The following SORL1 variants were observed in gnomAD, a reference collection of about 807,000 sequenced individuals.
SORL1 encodes sortilin-related receptor.
In SORL1, 127 loss-of-function variants were observed where a neutral mutation model predicts 273.7. The observed-to-expected ratio is 0.46, with a 90% CI of 0.40 to 0.54. The LOEUF (loss-of-function observed/expected upper bound fraction) is 0.54. SORL1 is among the 20% of genes least tolerant of loss of function. The pLI is 0.00. For missense variants in SORL1, 2,494 were observed against 2,846.1 expected, an observed-to-expected ratio of 0.88 and a Z score of 2.81; for synonymous variants, 1,031 against 1,067.4, an observed-to-expected ratio of 0.97 and a Z score of 0.66.
intron 9 of SORL1, among the ~76,000 whole-genome samples, chr11:121,522,306 A>G (rs1357535120): frequency 3.3e-5 from 5 of 152,216 alleles, no homozygotes; most frequent in African/African-American, 1.2e-4. Flanking sequence ...TTTCCCATCT[A>G]CTTGAGTTGA....
intron 44 of SORL1, among the ~76,000 whole-genome samples, chr11:121,621,453 G>A (rs541348200): frequency 6.6e-6 from 1 of 152,256 alleles, no homozygotes; most frequent in Non-Finnish European, 1.5e-5. Context: ...AGTGGCTATC[G>A]TTTTCTTTAT....
intron 2 of SORL1, among the ~76,000 whole-genome samples, chr11:121,472,098 T>C (rs1377980361): frequency 6.6e-6 from 1 of 152,176 alleles, no homozygotes; most frequent in African/African-American, 2.4e-5. Flanking sequence ...TGACCTATCT[T>C]CGTGCTACTG....
chr11:121,467,519 A>G lies in SORL1; in HGVS notation c.286-2488A>G, dbSNP rs1232739449. On this transcript the variant is annotated intron_variant, in intron 1 of 47. Coordinates refer to ENST00000260197, the MANE Select transcript of SORL1 (RefSeq NM_003105.6). ...AATATTTGAGGACTTTTTATCCCAG[A>G]TCCCAGGGGAACATGGGTGATTTTT... 3.3e-5 allele frequency among the ~76,000 whole-genome samples: 5 copies of G among 151,168 alleles called. No homozygotes were observed. The East Asian group carries it at 7.7e-4, about 23-fold the overall frequency.
At position 121,522,708 on chromosome 11, in the gene SORL1, G is replaced by A; in HGVS notation, c.1522+5G>A. 6.2e-7 allele frequency: 1 copy of A among 1,607,344 alleles called. No individual in the cohort carries two copies. Among genetic ancestry groups the A allele is most frequent in the Non-Finnish European group, 8.5e-7 (1 of 1,173,804 alleles). On this transcript the variant is annotated splice_donor_5th_base_variant and intron_variant, in intron 10 of 47. Coordinates refer to ENST00000260197, the MANE Select transcript of SORL1 (RefSeq NM_003105.6). ...CAGGCCTCATCATCGCCACTGGTAA[G>A]TGTGCTTGCCTGTTCTCAAAAGGGG...
chr11:121,528,754 A>C (rs1296437643), intron 11 of SORL1, among the ~76,000 whole-genome samples: 1 of 152,144 alleles, frequency 6.6e-6, no homozygotes, highest in East Asian at 1.9e-4. Flanking sequence ...CAGTCCCTTT[A>C]GATTTGTTGA....
In SORL1 at chr11:121,543,584, C is replaced by T. The variant is rs1270374387; in HGVS notation, c.1722C>T (p.Phe574=). The change falls in exon 13 of 48, where the codon TTC becomes TTT. Residue 574 remains phenylalanine, a synonymous_variant. Coordinates refer to ENST00000260197, the MANE Select transcript of SORL1 (RefSeq NM_003105.6). ...STNEGETWKT[F]IFSEKPVFVY... ...ATGAAGGGGAGACCTGGAAAACATT[C>T]ATCTTCTCTGAGAAGCCAGTGTTTG... is the stretch of plus-strand genomic sequence containing the variant. 1 of 1,614,014 alleles carries T rather than the reference C, an allele frequency of 6.2e-7. No homozygotes were observed. Among genetic ancestry groups the T allele is most frequent in the Non-Finnish European group, 8.5e-7 (1 of 1,179,874 alleles).
Position 121,633,572 on chromosome 11 carries a change from T to A in SORL1, c.*4009T>A, listed in dbSNP as rs1436984386. The A allele has an allele frequency of 6.6e-6, 1 of 152,258 alleles. No homozygotes were observed. Among genetic ancestry groups the A allele is most frequent in the African/African-American group, 2.4e-5 (1 of 41,472 alleles). The allele number at this position is 152,258 out of a possible 1,614,324, so 9.4% of individuals were successfully genotyped here. ...TTGCCTCGATAAGTTTCCAAGTCACTGAAATCTGCTGAAGGTTTTACTGTA... is the reference window on the plus strand; with the variant it reads ...TTGCCTCGATAAGTTTCCAAGTCACAGAAATCTGCTGAAGGTTTTACTGTA... On this transcript the variant is annotated 3_prime_UTR_variant, in exon 48 of 48. Coordinates refer to ENST00000260197, the MANE Select transcript of SORL1 (RefSeq NM_003105.6).
In SORL1 at chr11:121,563,038, C is replaced by T. The variant is rs1862702554; in HGVS notation, c.3049+3381C>T. Among the ~76,000 whole-genome samples the T allele has an allele frequency of 6.6e-6, 1 of 152,164 alleles. No homozygotes were observed. Among genetic ancestry groups the T allele is most frequent in the African/African-American group, 2.4e-5 (1 of 41,428 alleles). Reference sequence around the variant, plus strand: ...GTACCACAGTAATGTGCTTTGTGGGCTTGTATAACCTCACTTCGTCTTCCC... The same window carrying T: ...GTACCACAGTAATGTGCTTTGTGGGTTTGTATAACCTCACTTCGTCTTCCC... On this transcript the variant is annotated intron_variant, in intron 21 of 47. Transcript: ENST00000260197. This position sits in a 1 kb window ranked among gnomAD's most constrained non-coding sequence, Gnocchi z 4.2.
rs776117825 is a variant in SORL1 at position 121,595,662 on chromosome 11, G to A, written c.4409G>A (p.Arg1470Gln). ...TAASTPTQLG[R>Q]CDRFEFECHQ... ...GCCTCCACTCCCACCCAACTTGGGC[G>A]ATGTGACCGATTTGAGTTCGAATGC... Residue 1470 changes from arginine (R) to glutamine (Q), a missense_variant, in exon 32 of 48, where the codon CGA becomes CAA. By Grantham distance (43) the Arg-to-Gln change is conservative (BLOSUM62 1). Coordinates refer to ENST00000260197, the MANE Select transcript of SORL1 (RefSeq NM_003105.6). The surrounding 1 kb of genome is among the most constrained non-coding windows in gnomAD (Gnocchi z 5.1). 43 of 1,612,236 alleles carry A rather than the reference G, an allele frequency of 2.7e-5. No individual in the cohort carries two copies. The highest frequency in any genetic ancestry group is 1.6e-4 in the Middle Eastern group (1 of 6,078).
intron 2 of SORL1, among the ~76,000 whole-genome samples, chr11:121,474,789 A>G (rs1423902893): frequency 2.6e-5 from 4 of 152,256 alleles, no homozygotes; most frequent in Non-Finnish European, 5.9e-5. Flanking sequence ...AAGAAAAGAC[A>G]GCTAGAAAGG....
Position 121,595,358 on chromosome 11 carries a change from T to C in SORL1, c.4370-265T>C, listed in dbSNP as rs1863276850. On this transcript the variant is annotated intron_variant, in intron 31 of 47. Coordinates refer to ENST00000260197, the MANE Select transcript of SORL1 (RefSeq NM_003105.6). The surrounding 1 kb of genome is among the most constrained non-coding windows in gnomAD (Gnocchi z 5.1). ...AGTCACATACCGCTATCTGTCTTCT[T>C]TCCAGCTCCCAAATCTCATTATCCA... Among the ~76,000 whole-genome samples, 1 of 152,184 alleles carries C rather than the reference T, an allele frequency of 6.6e-6. No individual in the cohort carries two copies. The highest frequency in any genetic ancestry group is 2.4e-5 in the African/African-American group (1 of 41,464).
chr11:121,623,430 A>C (rs1374208208), intron 45 of SORL1, among the ~76,000 whole-genome samples: 1 of 152,256 alleles, frequency 6.6e-6, no homozygotes, highest in Non-Finnish European at 1.5e-5. Context: ...ATTTTACTCT[A>C]AAGCAGCAAC....
At chr11:121,589,485 C>G (rs1169967224) in intron 29 of SORL1, 95 bp downstream of exon 29, 8 of 1,482,972 alleles carry the variant, frequency 5.4e-6, no homozygotes, top group Non-Finnish European at 7.5e-6. Context: ...CCACTGCAGA[C>G]TTGGCCTTCC....
At chr11:121,602,348 A>G (rs1863406097) in intron 32 of SORL1, among the ~76,000 whole-genome samples, 1 of 152,210 alleles carries the variant, frequency 6.6e-6, no homozygotes, top group Admixed American at 6.5e-5. Context: ...TAAGTAGTGA[A>G]CTGAAGTCTG....
chr11:121,545,203 C>T lies in SORL1; in HGVS notation c.1865-40C>T, dbSNP rs771436675. ...GGCATAGCAGGAAACCCTACATGGG[C>T]CTGCCTCTAATGCTTCGTGCTGTGT... On this transcript the variant is annotated intron_variant, in intron 13 of 47. Coordinates refer to ENST00000260197, the MANE Select transcript of SORL1 (RefSeq NM_003105.6). 12 of 1,602,310 alleles carry T rather than the reference C, an allele frequency of 7.5e-6. No homozygotes were observed. In the East Asian group the frequency reaches 2.7e-4, roughly 36 times the overall value.
chr11:121,564,053 G>A lies in SORL1; in HGVS notation c.3050-2887G>A, dbSNP rs188144514. 4.1e-3 allele frequency among the ~76,000 whole-genome samples: 627 copies of A among 152,250 alleles called. 2 individuals are homozygous for A. Among genetic ancestry groups the A allele is most frequent in the African/African-American group, 0.014 (595 of 41,516 alleles). ...TGAACATGCCCAGTGAAGACATCAC[G>A]GGGCTATGTGTTTGATCTTCTAAGG... is the stretch of plus-strand genomic sequence containing the variant. On this transcript the variant is annotated intron_variant, in intron 21 of 47. Transcript: ENST00000260197.
Position 121,522,798 on chromosome 11 carries a change from C to T in SORL1, c.1522+95C>T, listed in dbSNP as rs116623426. 3.1e-3 allele frequency: 4,220 copies of T among 1,369,362 alleles called. 102 individuals are homozygous for T. In the African/African-American group the frequency reaches 0.05, roughly 16 times the overall value. 84.8% of individuals were successfully genotyped at this position (1,369,362 alleles called of 1,614,324 possible). A position where few individuals can be genotyped will look rare whatever the true frequency, so the allele number is the denominator to read the frequency against. On this transcript the variant is annotated intron_variant, in intron 10 of 47. Transcript: ENST00000260197. ...TCACCCACACCTCCAGCAGTAACCA[C>T]GCTTTGTGGTTTGAAAGCATTCTTA... is the stretch of plus-strand genomic sequence containing the variant.
rs763952078 is a variant in SORL1 at position 121,488,141 on chromosome 11, G to A, written c.638G>A (p.Ser213Asn). Reference sequence around the variant, plus strand: ...CGGGCAGCTGATCTCCTCCTACACAGTAAGGCCTCCAACCTTCTCTTGGGC... The same window carrying A: ...CGGGCAGCTGATCTCCTCCTACACAATAAGGCCTCCAACCTTCTCTTGGGC... ...PFRAADLLLH[S>N]KASNLLLGFD... Residue 213 changes from serine (S) to asparagine (N), a missense_variant, in exon 4 of 48, where the codon AGT (serine) becomes AAT (asparagine). By Grantham distance (46) the Ser-to-Asn change is conservative (BLOSUM62 1). Around this residue, in one of 3 missense-constraint regions of SORL1, gnomAD observed 710 missense variants for 882.5 expected, o/e 0.80. Coordinates refer to ENST00000260197, the MANE Select transcript of SORL1 (RefSeq NM_003105.6). The A allele has an allele frequency of 8.5e-5, 138 of 1,614,062 alleles. No homozygotes were observed. In the Admixed American group the frequency reaches 2.2e-3, roughly 26 times the overall value.
chr11:121,607,470 C>A (rs192858439), intron 37 of SORL1, among the ~76,000 whole-genome samples, 180 bp downstream of exon 37: 2 of 152,338 alleles, frequency 1.3e-5, no homozygotes, highest in Admixed American at 1.3e-4. Flanking sequence ...TAAATGGACA[C>A]CACAAAGAGC....
Sources: gnomAD v4.1 joint callset for allele counts (sites outside exome capture counted in the v4.1 genomes callset) on GRCh38, gnomAD v4.1.1 for gene constraint, gnomAD v4.1.1 regional missense constraint, Gnocchi (gnomAD v3.1) non-coding constraint, MANE v1.5 for transcripts, NCBI Gene and HGNC (gene_info 2026-07-23, HGNC 2026-07-21) for gene names.